Variants in PPARGC1A observed in about 807,000 individuals in gnomAD.
PPARGC1A encodes PPARG coactivator 1 alpha.
Under a neutral mutation model 88.7 loss-of-function variants are expected in PPARGC1A, and 25 were observed. The observed-to-expected ratio is 0.28, with a 90% CI of 0.21 to 0.39. The LOEUF is 0.39. Among genes scored for constraint, PPARGC1A ranks in the 10% least tolerant of loss-of-function variants. The pLI, the probability that PPARGC1A is intolerant of heterozygous loss-of-function variation, is 1.00. For missense variants in PPARGC1A, 880 were observed against 968.7 expected, an observed-to-expected ratio of 0.91 and a Z score of 1.22; for synonymous variants, 363 against 355.6, an observed-to-expected ratio of 1.02 and a Z score of -0.24.
the PPARGC1A span, among the ~76,000 whole-genome samples, chr4:24,194,317 CCAGA>C: frequency 6.6e-6 from 1 of 152,076 alleles, no homozygotes; most frequent in Non-Finnish European, 1.5e-5. Flanking sequence ...AATTAAATAA[CCAGA>C]CAGAGAGCTG....
chr4:24,135,949 A>T, the PPARGC1A span, among the ~76,000 whole-genome samples: 1 of 152,170 alleles, frequency 6.6e-6, no homozygotes, highest in African/African-American at 2.4e-5. Context: ...TGCCAAGGGT[A>T]AAAAGTGCTC....
At chr4:24,300,033 A>G in the PPARGC1A span, among the ~76,000 whole-genome samples, 1 of 152,166 alleles carries the variant, frequency 6.6e-6, no homozygotes, top group South Asian at 2.1e-4. Flanking sequence ...ATCATTTCCA[A>G]TCTGCTGAGG....
chr4:23,806,289 C>T (rs1239688176), intron 10 of PPARGC1A, among the ~76,000 whole-genome samples: 1 of 152,112 alleles, frequency 6.6e-6, no homozygotes, highest in Non-Finnish European at 1.5e-5. Context: ...AAAGCAAAGA[C>T]AAAAATCTTT....
At chr4:24,285,781 A>G in the PPARGC1A span, among the ~76,000 whole-genome samples, 11 of 152,204 alleles carry the variant, frequency 7.2e-5, no homozygotes, top group Non-Finnish European at 1.6e-4. Context: ...CATTGGGTGT[A>G]CAAACTTTTC....
the PPARGC1A span, among the ~76,000 whole-genome samples, chr4:24,423,970 C>G: frequency 6.6e-6 from 1 of 152,160 alleles, no homozygotes; most frequent in Non-Finnish European, 1.5e-5. Context: ...ATCTGAGTCT[C>G]ACTTCATTGA....
At chr4:24,292,382 G>C in the PPARGC1A span, among the ~76,000 whole-genome samples, 1 of 151,776 alleles carries the variant, frequency 6.6e-6, no homozygotes, top group African/African-American at 2.4e-5. Context: ...GAATAAGCTG[G>C]TACCCAAGAC....
At chr4:23,861,011 C>T (rs1731149215) in intron 2 of PPARGC1A, among the ~76,000 whole-genome samples, 4 of 152,288 alleles carry the variant, frequency 2.6e-5, no homozygotes, top group South Asian at 2.1e-4. Flanking sequence ...ACAGCTGTTA[C>T]CATAATACCC....
chr4:24,005,564 T>C, the PPARGC1A span, among the ~76,000 whole-genome samples: 1 of 152,340 alleles, frequency 6.6e-6, no homozygotes, highest in South Asian at 2.1e-4. Context: ...GATCACGGAA[T>C]GTAAGACAGC....
At chr4:24,136,016 G>A in the PPARGC1A span, among the ~76,000 whole-genome samples, 12 of 152,134 alleles carry the variant, frequency 7.9e-5, no homozygotes, top group South Asian at 2.1e-4. Flanking sequence ...CCTCCCTGAC[G>A]CTATTTCTGC....
the PPARGC1A span, among the ~76,000 whole-genome samples, chr4:24,463,658 C>A: frequency 1.3e-5 from 2 of 152,158 alleles, no homozygotes; most frequent in African/African-American, 2.4e-5. Context: ...GGATGAGGAT[C>A]TAGAATTGAA....
the PPARGC1A span, among the ~76,000 whole-genome samples, chr4:24,221,952 TG>T: frequency 4.1e-4 from 63 of 152,258 alleles, no homozygotes; most frequent in Middle Eastern, 3.4e-3. Flanking sequence ...CTGCAGCATT[TG>T]GAATGTTAAT....
the PPARGC1A span, among the ~76,000 whole-genome samples, chr4:24,226,670 G>T: frequency 6.6e-6 from 1 of 152,220 alleles, no homozygotes; most frequent in African/African-American, 2.4e-5. Context: ...CCTGGGGCTT[G>T]CCTTACCACT....
intron 2 of PPARGC1A, among the ~76,000 whole-genome samples, chr4:23,849,004 C>T (rs904929483): frequency 3.3e-5 from 5 of 152,018 alleles, no homozygotes; most frequent in Non-Finnish European, 7.4e-5. Flanking sequence ...TTTAGCCGGG[C>T]GTGGTAGCGG....
the PPARGC1A span, among the ~76,000 whole-genome samples, chr4:24,297,908 G>A: frequency 6.6e-5 from 10 of 152,138 alleles, no homozygotes; most frequent in African/African-American, 1.2e-4. Flanking sequence ...TTCAGCTAAC[G>A]TAAGCCCAAA....
At chr4:24,380,665 G>C in the PPARGC1A span, among the ~76,000 whole-genome samples, 1 of 152,108 alleles carries the variant, frequency 6.6e-6, no homozygotes, top group African/African-American at 2.4e-5. Flanking sequence ...AACCCAGGGA[G>C]GATCCATGGA....
At chr4:23,919,499 C>CT in the PPARGC1A span, among the ~76,000 whole-genome samples, 102,696 of 149,990 alleles carry the variant, frequency 0.68, 36,416 homozygotes, top group African/African-American at 0.87. Flanking sequence ...TCAAGGAGGA[C>CT]TTTGGAGTTT....
At chr4:24,035,879 T>G in the PPARGC1A span, among the ~76,000 whole-genome samples, 2 of 152,238 alleles carry the variant, frequency 1.3e-5, no homozygotes, top group Non-Finnish European at 2.9e-5. Context: ...TAGAAGTTAC[T>G]ATTCATAAGC....
chr4:24,109,392 T>C, the PPARGC1A span, among the ~76,000 whole-genome samples: 1 of 151,236 alleles, frequency 6.6e-6, no homozygotes, highest in African/African-American at 2.4e-5. Flanking sequence ...CTTCTGTGGA[T>C]TGGGGGTTGT....
At chr4:24,046,678 C>A in the PPARGC1A span, among the ~76,000 whole-genome samples, 3 of 152,170 alleles carry the variant, frequency 2.0e-5, no homozygotes, top group Non-Finnish European at 2.9e-5. Context: ...TTCTCCTGGG[C>A]ACACAGCTGG....
Sources: allele counts gnomAD v4.1 joint callset (sites outside exome capture counted in the v4.1 genomes callset), GRCh38; gene constraint gnomAD v4.1.1; transcripts MANE v1.5; gene names NCBI Gene and HGNC (gene_info 2026-07-23, HGNC 2026-07-21).